DAB1: variants seen among roughly 807,000 people sequenced by gnomAD.
The protein encoded by DAB1 is DAB adaptor protein 1, also known as disabled homolog 1.
A neutral mutation model predicts 64.6 loss-of-function variants in DAB1; 15 were observed. The observed-to-expected ratio is 0.23, with a 90% CI of 0.16 to 0.36. The LOEUF is 0.36. DAB1 is among the 10% of genes least tolerant of loss of function. The probability of loss-of-function intolerance (pLI) is 1.00; values close to 1 mark genes in which losing one functional copy is unlikely to be tolerated. For missense variants in DAB1, 596 were observed against 706.7 expected (o/e 0.84, Z 1.78); for synonymous variants, 235 against 251.9 (o/e 0.93, Z 0.64).
chr1:57,879,161 A>G (rs2224216), intron 1 of DAB1, among the ~76,000 whole-genome samples: 36,654 of 151,980 alleles, frequency 0.24, 5,151 homozygotes, highest in Non-Finnish European at 0.32. Flanking sequence ...CATCTATGTC[A>G]TTTTTGTCCT....
chr1:58,482,739 G>C (rs1232962377), intron 3 of DAB1, among the ~76,000 whole-genome samples: 2 of 152,130 alleles, frequency 1.3e-5, no homozygotes, highest in Non-Finnish European at 2.9e-5. Context: ...TGGCAACCTA[G>C]GGAAAAATCA....
intron 3 of DAB1, among the ~76,000 whole-genome samples, chr1:58,372,937 T>A (rs553663338): frequency 6.6e-6 from 1 of 152,218 alleles, no homozygotes; most frequent in South Asian, 2.1e-4. Context: ...CAGTCTTGGG[T>A]AGCATCTCTA....
intron 2 of DAB1, among the ~76,000 whole-genome samples, chr1:57,281,621 G>A (rs904562852): frequency 6.6e-6 from 1 of 152,122 alleles, no homozygotes; most frequent in Non-Finnish European, 1.5e-5. Context: ...CTGAGGGCAG[G>A]AGGAGCCACT....
chr1:58,248,221 C>G (rs1055431650), intron 4 of DAB1, among the ~76,000 whole-genome samples: 1 of 152,226 alleles, frequency 6.6e-6, no homozygotes, highest in African/African-American at 2.4e-5. Context: ...TGGGAAATCC[C>G]TATTTGCCAA....
At chr1:58,333,607 G>C (rs1399237211) in intron 4 of DAB1, among the ~76,000 whole-genome samples, 1 of 152,186 alleles carries the variant, frequency 6.6e-6, no homozygotes, top group Non-Finnish European at 1.5e-5. Context: ...GGCTTGGCAG[G>C]ATTCAAGAGA....
intron 5 of DAB1, chr1:58,071,574 T>G (rs1327561722): frequency 6.6e-6 from 1 of 152,164 alleles, no homozygotes; most frequent in Non-Finnish European, 1.5e-5. Flanking sequence ...ACATGGAGGT[T>G]GCCTTAAAGC....
intron 4 of DAB1, among the ~76,000 whole-genome samples, chr1:58,289,803 A>G (rs1489770484): frequency 6.6e-6 from 1 of 152,308 alleles, no homozygotes; most frequent in East Asian, 1.9e-4. Flanking sequence ...TGATTTGGAG[A>G]GAATCTATGC....
chr1:58,351,888 G>A (rs1339854270), intron 3 of DAB1, among the ~76,000 whole-genome samples: 1 of 147,276 alleles, frequency 6.8e-6, no homozygotes, highest in Admixed American at 6.9e-5. Flanking sequence ...TTCTAAGGAC[G>A]GTGAGTCTAG....
At chr1:57,273,354 T>C (rs1161902343) in intron 2 of DAB1, among the ~76,000 whole-genome samples, 1 of 152,154 alleles carries the variant, frequency 6.6e-6, no homozygotes, top group Non-Finnish European at 1.5e-5. Context: ...ATGTTTCCCA[T>C]AGGCCACTCC....
chr1:57,069,348 G>T lies in DAB1; in HGVS notation c.663+12C>A, dbSNP rs371437794. 1 of 1,610,114 alleles carries T rather than the reference G, an allele frequency of 6.2e-7. No individual in the cohort carries two copies. The highest frequency in any genetic ancestry group is 1.1e-5 in the South Asian group (1 of 90,984). On this transcript the variant is annotated intron_variant, in intron 8 of 14. Transcript: ENST00000371236. ...AGTGGTGCAATGGTAAGAGAGGCAA[G>T]CAATTTTATACCTGATAAATGTTTT...
chr1:57,773,344 T>TACAC (rs60059518), intron 6 of DAB1, among the ~76,000 whole-genome samples: 4,552 of 147,564 alleles, frequency 0.031, 61 homozygotes, highest in Middle Eastern at 0.034. Flanking sequence ...TTGAGTTGTA[T>TACAC]ACACACACAC....
chr1:58,137,736 T>C (rs1654028114), intron 5 of DAB1, among the ~76,000 whole-genome samples: 1 of 152,214 alleles, frequency 6.6e-6, no homozygotes, highest in Non-Finnish European at 1.5e-5. Context: ...CAGCATGTTG[T>C]CACCTCTAGA....
chr1:57,585,453 A>T (rs1645367663), intron 7 of DAB1, among the ~76,000 whole-genome samples: 1 of 152,074 alleles, frequency 6.6e-6, no homozygotes, highest in Non-Finnish European at 1.5e-5. Flanking sequence ...CTTCTCTTTA[A>T]AATTAGAGGC....
intron 1 of DAB1, among the ~76,000 whole-genome samples, chr1:57,422,813 C>T (rs1685026715): frequency 6.6e-6 from 1 of 152,178 alleles, no homozygotes; most frequent in South Asian, 2.1e-4. Flanking sequence ...GGCAGCGATC[C>T]CTTGTGCCCA....
intron 4 of DAB1, among the ~76,000 whole-genome samples, chr1:57,073,489 A>G (rs1651698043): frequency 6.6e-6 from 1 of 152,204 alleles, no homozygotes; most frequent in Non-Finnish European, 1.5e-5. Flanking sequence ...TTATTTTCCT[A>G]TACTAAACCT....
chr1:58,344,350 G>T (rs1203601876), intron 3 of DAB1, among the ~76,000 whole-genome samples: 4 of 152,150 alleles, frequency 2.6e-5, no homozygotes, highest in Non-Finnish European at 5.9e-5. Context: ...GTCCAGTGAA[G>T]AAAATTGTGA....
intron 1 of DAB1, among the ~76,000 whole-genome samples, chr1:57,871,875 A>C (rs543798699): frequency 1.6e-4 from 25 of 152,230 alleles, no homozygotes; most frequent in Non-Finnish European, 2.8e-4. Context: ...CTCCTAGATC[A>C]CTTCCTTTCT....
At chr1:57,422,946 A>G (rs1685040035) in intron 1 of DAB1, among the ~76,000 whole-genome samples, 1 of 152,152 alleles carries the variant, frequency 6.6e-6, no homozygotes, top group Non-Finnish European at 1.5e-5. Flanking sequence ...ACTCCTCGGG[A>G]CGCAGCCAGC....
chr1:58,132,201 G>T (rs1653645604), intron 5 of DAB1, among the ~76,000 whole-genome samples: 2 of 152,172 alleles, frequency 1.3e-5, no homozygotes, highest in Admixed American at 1.3e-4. Flanking sequence ...GCAGTATTCG[G>T]GTGGGAGTGA....
Sources: gnomAD v4.1 joint callset for allele counts (sites outside exome capture counted in the v4.1 genomes callset) on GRCh38, gnomAD v4.1.1 for gene constraint, MANE v1.5 for transcripts, NCBI Gene and HGNC (gene_info 2026-07-23, HGNC 2026-07-21) for gene names.